Variants in MVB12B observed in about 807,000 individuals in gnomAD.
MVB12B encodes the protein multivesicular body subunit 12B, also known as ESCRT-I complex subunit MVB12B.
MVB12B carries 16 observed loss-of-function variants against 41.6 expected under a neutral mutation model. That is an observed-to-expected ratio of 0.38 (90% CI 0.26 to 0.58). MVB12B has a LOEUF of 0.58. Among genes scored for constraint, MVB12B ranks in the 20% least tolerant of loss-of-function variants. The pLI, the probability that MVB12B is intolerant of heterozygous loss-of-function variation, is 0.62. For missense variants in MVB12B, 274 were observed against 380.2 expected (o/e 0.72, Z 2.32); for synonymous variants, 133 against 139.7 (o/e 0.95, Z 0.34).
chr9:126,341,835 A>T (rs551802825), intron 2 of MVB12B, among the ~76,000 whole-genome samples: 4 of 151,770 alleles, frequency 2.6e-5, no homozygotes, highest in Non-Finnish European at 5.9e-5. Flanking sequence ...GGGCAGAATC[A>T]CCCCCCATTG....
chr9:126,411,870 G>A (rs1370438725), intron 6 of MVB12B, among the ~76,000 whole-genome samples: 2 of 152,160 alleles, frequency 1.3e-5, no homozygotes, highest in Non-Finnish European at 2.9e-5. Context: ...GATCTCAATC[G>A]TAATTCAGAG....
intron 7 of MVB12B, among the ~76,000 whole-genome samples, chr9:126,469,064 T>C (rs760694064): frequency 6.6e-6 from 1 of 152,188 alleles, no homozygotes; most frequent in Non-Finnish European, 1.5e-5. Flanking sequence ...TAATCCCAGC[T>C]ACTTGGGAGG....
chr9:126,458,340 G>A (rs577979129), intron 7 of MVB12B, among the ~76,000 whole-genome samples: 3 of 152,312 alleles, frequency 2.0e-5, no homozygotes, highest in South Asian at 2.1e-4. Flanking sequence ...CACACCACAC[G>A]TTTGTGTGTG....
At chr9:126,330,145 G>A (rs763176110) in intron 1 of MVB12B, among the ~76,000 whole-genome samples, 15 of 152,110 alleles carry the variant, frequency 9.9e-5, no homozygotes, top group Non-Finnish European at 2.1e-4. Flanking sequence ...CGCTTCTGGC[G>A]AGATGCAGAG....
intron 2 of MVB12B, among the ~76,000 whole-genome samples, chr9:126,361,159 A>G (rs376365490): frequency 3.8e-4 from 57 of 151,502 alleles, no homozygotes; most frequent in East Asian, 2.9e-3. Context: ...TATTTTTCCA[A>G]CATTTTTTAT....
intron 7 of MVB12B, among the ~76,000 whole-genome samples, chr9:126,425,381 CT>C (rs1036649537): frequency 2.0e-5 from 3 of 152,122 alleles, no homozygotes; most frequent in African/African-American, 7.2e-5. Context: ...GGACTTTCAT[CT>C]TTTTTTGGCC....
In MVB12B at chr9:126,484,051, G is replaced by A. The variant is rs752321935; in HGVS notation, c.873+19G>A. 75 of 1,613,286 alleles carry A rather than the reference G, an allele frequency of 4.6e-5. No homozygotes were observed. Among genetic ancestry groups the A allele is most frequent in the Non-Finnish European group, 5.1e-5 (60 of 1,179,514 alleles). On this transcript the variant is annotated intron_variant, in intron 9 of 9. Transcript: ENST00000361171. ...AAAAGAGGTAAGCAAGCCATCAGGG[G>A]AGGGGAGGGCAGGCCTGGGCCATCG...
intron 6 of MVB12B, among the ~76,000 whole-genome samples, chr9:126,399,992 A>G (rs1831224329): frequency 6.6e-6 from 1 of 152,202 alleles, no homozygotes; most frequent in Admixed American, 6.5e-5. Context: ...CTGGCTTAGC[A>G]GCTAAGTGTG....
intron 7 of MVB12B, among the ~76,000 whole-genome samples, chr9:126,442,286 T>A (rs1235826411): frequency 6.6e-6 from 1 of 152,218 alleles, no homozygotes; most frequent in African/African-American, 2.4e-5. Context: ...AATGGTTCTT[T>A]GTATCTTCTG....
Position 126,389,906 on chromosome 9 carries a change from T to A in MVB12B, c.410-2160T>A, listed in dbSNP as rs1830897300. Reference sequence around the variant, plus strand: ...TGTTTCTCTCTGCTCGTAGATCTGCTCTAGCCCTCAGTTTCTGTGCCTGAG... The same window carrying A: ...TGTTTCTCTCTGCTCGTAGATCTGCACTAGCCCTCAGTTTCTGTGCCTGAG... On this transcript the variant is annotated intron_variant, in intron 4 of 9. Coordinates refer to ENST00000361171, the MANE Select transcript of MVB12B (RefSeq NM_033446.3). This position sits in a 1 kb window ranked among gnomAD's most constrained non-coding sequence, Gnocchi z 4.4. Among the ~76,000 whole-genome samples, 1 of 152,148 alleles carries A rather than the reference T, an allele frequency of 6.6e-6. No individual in the cohort carries two copies.
intron 1 of MVB12B, among the ~76,000 whole-genome samples, chr9:126,339,975 C>T (rs369530923): frequency 5.9e-5 from 9 of 152,172 alleles, no homozygotes; most frequent in African/African-American, 1.9e-4. Context: ...GGAGCCTGGA[C>T]TCCAACACCA....
intron 6 of MVB12B, among the ~76,000 whole-genome samples, chr9:126,418,738 C>T (rs750775752): frequency 2.0e-5 from 3 of 152,144 alleles, no homozygotes; most frequent in Non-Finnish European, 2.9e-5. Context: ...AGACTCCCCA[C>T]GGAGCCTCGA....
At chr9:126,334,728 A>C (rs1829228431) in intron 1 of MVB12B, among the ~76,000 whole-genome samples, 1 of 152,124 alleles carries the variant, frequency 6.6e-6, no homozygotes, top group African/African-American at 2.4e-5. Flanking sequence ...GACTACCCTC[A>C]TTTGCAGTAA....
chr9:126,386,027 G>T lies in MVB12B; in HGVS notation c.313-535G>T, dbSNP rs1273393741. Among the ~76,000 whole-genome samples, 1 of 152,196 alleles carries T rather than the reference G, an allele frequency of 6.6e-6. No homozygotes were observed. The highest frequency in any genetic ancestry group is 1.5e-5 in the Non-Finnish European group (1 of 68,030). On this transcript the variant is annotated intron_variant, in intron 3 of 9. Coordinates refer to ENST00000361171, the MANE Select transcript of MVB12B (RefSeq NM_033446.3). The surrounding 1 kb of genome is among the most constrained non-coding windows in gnomAD (Gnocchi z 4.3). ...ATTTTAGAAGATGTGTAATATTGAG[G>T]CAGCAGGGCTTTCACTCTGTATTAG...
intron 9 of MVB12B, among the ~76,000 whole-genome samples, chr9:126,494,742 T>C (rs1054711333): frequency 6.6e-6 from 1 of 152,104 alleles, no homozygotes; most frequent in Non-Finnish European, 1.5e-5. Flanking sequence ...TAACCAGTGG[T>C]GGCAATCAGT....
intron 2 of MVB12B, among the ~76,000 whole-genome samples, chr9:126,361,671 G>A (rs1472660131): frequency 1.3e-5 from 2 of 152,088 alleles, no homozygotes; most frequent in African/African-American, 4.8e-5. Context: ...TCTTTATTTT[G>A]TCTTTGTATT....
Position 126,483,963 on chromosome 9 carries a change from G to C in MVB12B, c.814-10G>C. ...GCTATTTAAAAGGGCAACTTCATCT[G>C]TGTTTTCAGATGCAGCCCTTTGATC... On this transcript the variant is annotated splice_polypyrimidine_tract_variant and intron_variant, in intron 8 of 9. Coordinates refer to ENST00000361171, the MANE Select transcript of MVB12B (RefSeq NM_033446.3). 1 of 1,614,046 alleles carries C rather than the reference G, an allele frequency of 6.2e-7. No homozygotes were observed. The highest frequency in any genetic ancestry group is 8.5e-7 in the Non-Finnish European group (1 of 1,179,966).
intron 7 of MVB12B, chr9:126,426,824 T>C (rs1832192383): frequency 6.6e-6 from 1 of 152,270 alleles, no homozygotes; most frequent in Non-Finnish European, 1.5e-5. Flanking sequence ...GCTAGTTGCT[T>C]GGGAAGAACT....
At position 126,473,885 on chromosome 9, in the gene MVB12B, A is replaced by G. The variant is rs927977999; in HGVS notation, c.758-7484A>G. Among the ~76,000 whole-genome samples, 9 of 152,202 alleles carry G rather than the reference A, an allele frequency of 5.9e-5. No homozygotes were observed. The South Asian group carries it at 8.3e-4, about 14-fold the overall frequency. ...TTGATGCCTGTTCACCACCTTGTGT[A>G]TGGGCAGTAAGCACGGATTCCCTTT... On this transcript the variant is annotated intron_variant, in intron 7 of 9. Transcript: ENST00000361171. The surrounding 1 kb of genome is among the most constrained non-coding windows in gnomAD (Gnocchi z 4.0).
Sources: gnomAD v4.1 joint callset for allele counts (sites outside exome capture counted in the v4.1 genomes callset) on GRCh38, gnomAD v4.1.1 for gene constraint, Gnocchi (gnomAD v3.1) non-coding constraint, MANE v1.5 for transcripts, NCBI Gene and HGNC (gene_info 2026-07-23, HGNC 2026-07-21) for gene names.